Variants in GRID2 observed in about 807,000 individuals in gnomAD.
GRID2 encodes the protein glutamate ionotropic receptor delta type subunit 2.
A neutral mutation model predicts 114.8 loss-of-function variants in GRID2; 33 were observed. The ratio of observed to expected loss-of-function variants is 0.29; its 90% CI spans 0.22 to 0.38. The LOEUF (loss-of-function observed/expected upper bound fraction) is 0.38. Among genes scored for constraint, GRID2 ranks in the 10% least tolerant of loss-of-function variants. The pLI is 1.00. For missense variants in GRID2, 1,184 were observed against 1,257.7 expected, an observed-to-expected ratio of 0.94 and a Z score of 0.89; for synonymous variants, 505 against 449.9, an observed-to-expected ratio of 1.12 and a Z score of -1.55.
chr4:92,769,894 C>T (rs992592184), intron 2 of GRID2, among the ~76,000 whole-genome samples: 2 of 152,134 alleles, frequency 1.3e-5, no homozygotes, highest in African/African-American at 2.4e-5. Flanking sequence ...TCTGACAGGC[C>T]CTGGAGACAT....
intron 8 of GRID2, among the ~76,000 whole-genome samples, chr4:93,368,305 G>A (rs1762536111): frequency 6.6e-6 from 1 of 152,086 alleles, no homozygotes; most frequent in South Asian, 2.1e-4. Flanking sequence ...ACAGGAGAGG[G>A]AGAAAACTAT....
At position 92,500,175 on chromosome 4, in the gene GRID2, T is replaced by C. The variant is rs530852448; in HGVS notation, c.89-89956T>C. Among the ~76,000 whole-genome samples, 110 of 152,216 alleles carry C rather than the reference T, an allele frequency of 7.2e-4. 2 individuals carry two copies. In the South Asian group the frequency reaches 0.011, roughly 16 times the overall value. On this transcript the variant is annotated intron_variant, in intron 1 of 15. Transcript: ENST00000282020. The stretch of plus-strand genomic sequence containing the variant: ...TTGCTTACCTGTGTTTCTTTTTTTT[T>C]AAATCTTTTATCCAGTAACTTAGTG...
At chr4:93,455,553 T>A in intron 10 of GRID2, 109 bp from the exon 11 acceptor site, 1 of 663,570 alleles carries the variant, frequency 1.5e-6, no homozygotes, top group Non-Finnish European at 2.7e-6. Context: ...ATAAAAAGAT[T>A]TATATTGCCT....
At chr4:92,633,358 T>C (rs1199925645) in intron 2 of GRID2, among the ~76,000 whole-genome samples, 14 of 152,114 alleles carry the variant, frequency 9.2e-5, no homozygotes, top group Admixed American at 9.2e-4. Context: ...AGACTGCCTC[T>C]AAAAGAGCAA....
chr4:92,815,390 A>G (rs1252574370), intron 2 of GRID2, among the ~76,000 whole-genome samples: 1 of 152,174 alleles, frequency 6.6e-6, no homozygotes, highest in African/African-American at 2.4e-5. Context: ...GCTGAAAGCT[A>G]GAAGGTAGCT....
intron 4 of GRID2, among the ~76,000 whole-genome samples, chr4:93,166,738 C>T (rs1738285538): frequency 6.6e-6 from 1 of 152,058 alleles, no homozygotes; most frequent in Non-Finnish European, 1.5e-5. Flanking sequence ...CCTGGGGAAC[C>T]ACCCTTAATG....
chr4:93,602,704 C>T (rs1739813422), intron 13 of GRID2, among the ~76,000 whole-genome samples: 3 of 152,178 alleles, frequency 2.0e-5, no homozygotes, highest in Admixed American at 2.0e-4. Context: ...ATCCCTGAGA[C>T]ATAGCAATTT....
At chr4:93,585,652 T>C (rs1023063374) in intron 13 of GRID2, among the ~76,000 whole-genome samples, 4 of 152,110 alleles carry the variant, frequency 2.6e-5, no homozygotes, top group Non-Finnish European at 4.4e-5. Flanking sequence ...ATTTGATGTT[T>C]GCTCTTGCCT....
intron 6 of GRID2, among the ~76,000 whole-genome samples, chr4:93,222,143 A>C (rs867098291): frequency 6.6e-6 from 1 of 152,152 alleles, no homozygotes; most frequent in Non-Finnish European, 1.5e-5. Flanking sequence ...TAGAGAAATA[A>C]ATTACGGGGA....
chr4:93,553,312 G>A (rs1354953187), intron 13 of GRID2, among the ~76,000 whole-genome samples: 1 of 152,122 alleles, frequency 6.6e-6, no homozygotes, highest in African/African-American at 2.4e-5. Flanking sequence ...ACCTTTTAAG[G>A]ATTGCCATTC....
In GRID2 at chr4:92,576,689, G is replaced by GATGGGACC; in HGVS notation, c.89-13441_89-13434dup. Among the ~76,000 whole-genome samples the GATGGGACC allele has an allele frequency of 1.3e-5, 2 of 152,282 alleles. 1 individual carries two copies. The highest frequency in any genetic ancestry group is 4.1e-4 in the South Asian group (2 of 4,828). On this transcript the variant is annotated intron_variant, in intron 1 of 15. Coordinates refer to ENST00000282020, the MANE Select transcript of GRID2 (RefSeq NM_001510.4). ...TCAGACACTGGTGGCATGGGCCCAT[G>GATGGGACC]ATGGGACCTCCTGATCCATGGTTTG...
At chr4:93,553,025 T>G (rs1008269189) in intron 13 of GRID2, among the ~76,000 whole-genome samples, 3 of 152,144 alleles carry the variant, frequency 2.0e-5, no homozygotes, top group African/African-American at 7.2e-5. Context: ...CTTTATCCAG[T>G]CTATTATTGA....
At chr4:92,472,246 C>T (rs551193934) in intron 1 of GRID2, among the ~76,000 whole-genome samples, 1 of 152,130 alleles carries the variant, frequency 6.6e-6, no homozygotes, top group East Asian at 1.9e-4. Flanking sequence ...ATCCATATTT[C>T]TATGAATGTC....
chr4:92,867,729 C>T (rs1744975791), intron 2 of GRID2, among the ~76,000 whole-genome samples: 1 of 152,100 alleles, frequency 6.6e-6, no homozygotes, highest in African/African-American at 2.4e-5. Context: ...ATCTGTCGTA[C>T]TAGATTTGCT....
intron 13 of GRID2, among the ~76,000 whole-genome samples, chr4:93,522,656 G>T (rs975240978): frequency 6.6e-6 from 1 of 152,094 alleles, no homozygotes; most frequent in Non-Finnish European, 1.5e-5. Flanking sequence ...GATATGAAAA[G>T]GGTGGCAGGA....
At chr4:93,647,983 A>G (rs1722257602) in intron 14 of GRID2, among the ~76,000 whole-genome samples, 1 of 152,192 alleles carries the variant, frequency 6.6e-6, no homozygotes, top group Admixed American at 6.5e-5. Context: ...ATAGTCAAGG[A>G]CACTGACACA....
intron 2 of GRID2, among the ~76,000 whole-genome samples, chr4:92,872,565 G>GA (rs936566973): frequency 2.9e-4 from 43 of 150,762 alleles, no homozygotes; most frequent in South Asian, 1.3e-3. Flanking sequence ...ATTTTAATTT[G>GA]AAAAAAAAAT....
intron 8 of GRID2, among the ~76,000 whole-genome samples, chr4:93,334,845 C>G (rs959531172): frequency 4.6e-5 from 7 of 151,972 alleles, no homozygotes; most frequent in African/African-American, 1.4e-4. Flanking sequence ...GCAGGAGAAT[C>G]GCTTGAACCC....
At chr4:92,629,201 AT>A (rs201132236) in intron 2 of GRID2, among the ~76,000 whole-genome samples, 48 of 151,610 alleles carry the variant, frequency 3.2e-4, no homozygotes, top group Non-Finnish European at 6.0e-4. Flanking sequence ...AACCCATTGA[AT>A]TTTTTTTTCT....
Sources: gnomAD v4.1 joint callset for allele counts (sites outside exome capture counted in the v4.1 genomes callset) on GRCh38, gnomAD v4.1.1 for gene constraint, MANE v1.5 for transcripts, NCBI Gene and HGNC (gene_info 2026-07-23, HGNC 2026-07-21) for gene names.